The following ARMH3 variants were observed in gnomAD, a reference collection of about 807,000 sequenced individuals.
The protein encoded by ARMH3 is armadillo like helical domain containing 3.
A neutral mutation model predicts 99.1 loss-of-function variants in ARMH3; 60 were observed. The observed-to-expected ratio is 0.61, with a 90% CI of 0.49 to 0.75. The LOEUF is 0.75. Among genes scored for constraint, ARMH3 ranks in the 30% least tolerant of loss-of-function variants. ARMH3 has a pLI of 0.00. For synonymous variants in ARMH3, 285 were observed against 292.8 expected (o/e 0.97, Z 0.27); for missense variants, 679 against 843.1 (o/e 0.81, Z 2.41).
intron 24 of ARMH3, among the ~76,000 whole-genome samples, chr10:101,867,128 T>C (rs1186327579): frequency 6.6e-6 from 1 of 152,180 alleles, no homozygotes; most frequent in Non-Finnish European, 1.5e-5. Context: ...CCCTGAGTCT[T>C]GAAAGGAAAA....
chr10:101,988,913 ACT>A (rs1239119866), intron 19 of ARMH3, among the ~76,000 whole-genome samples: 4 of 119,888 alleles, frequency 3.3e-5, no homozygotes, highest in Admixed American at 2.0e-4. Flanking sequence ...ACAGAATAAG[ACT>A]CTGTCTCAAA....
chr10:101,914,365 G>A (rs1338875860), intron 23 of ARMH3, among the ~76,000 whole-genome samples: 2 of 151,448 alleles, frequency 1.3e-5, no homozygotes, highest in Non-Finnish European at 2.9e-5. Context: ...GCGGGTACCT[G>A]TAATCCCAGC....
At chr10:101,916,545 G>A (rs1379081383) in intron 23 of ARMH3, among the ~76,000 whole-genome samples, 1 of 152,132 alleles carries the variant, frequency 6.6e-6, no homozygotes, top group Non-Finnish European at 1.5e-5. Context: ...CCTTCCCTGT[G>A]AAGAACTATT....
At chr10:101,984,582 C>G (rs1269345461) in intron 19 of ARMH3, among the ~76,000 whole-genome samples, 1 of 152,088 alleles carries the variant, frequency 6.6e-6, no homozygotes, top group Non-Finnish European at 1.5e-5. Context: ...CACTCCAGAG[C>G]ACCAATGAGA....
chr10:101,982,045 C>CA (rs1344929093), intron 19 of ARMH3, among the ~76,000 whole-genome samples: 1 of 92,816 alleles, frequency 1.1e-5, no homozygotes, highest in Non-Finnish European at 2.4e-5. Flanking sequence ...AAAAAAAAAA[C>CA]AAAGACTGGG....
chr10:102,035,551 G>A (rs1180309637), intron 2 of ARMH3, among the ~76,000 whole-genome samples: 3 of 152,248 alleles, frequency 2.0e-5, no homozygotes, highest in South Asian at 2.1e-4. Flanking sequence ...TTGCAGGCGC[G>A]CGCTGCCACG....
At chr10:101,976,168 C>CAAAAAAAAAAA (rs780547260) in intron 19 of ARMH3, among the ~76,000 whole-genome samples, 1 of 23,190 alleles carries the variant, frequency 4.3e-5, no homozygotes. Context: ...GACTCTGTCT[C>CAAAAAAAAAAA]AAAAAAAAAA....
At chr10:101,914,622 T>C (rs887039464) in intron 23 of ARMH3, among the ~76,000 whole-genome samples, 4 of 151,926 alleles carry the variant, frequency 2.6e-5, no homozygotes, top group Admixed American at 2.0e-4. Context: ...TCCCAGCACT[T>C]TGGGAGGCCG....
At chr10:101,857,214 T>C (rs1353885312) in intron 24 of ARMH3, among the ~76,000 whole-genome samples, 1 of 152,096 alleles carries the variant, frequency 6.6e-6, no homozygotes, top group Non-Finnish European at 1.5e-5. Flanking sequence ...TGCAAGCACT[T>C]TGGAAGGCCG....
chr10:101,927,075 T>C (rs1295024258), intron 23 of ARMH3, among the ~76,000 whole-genome samples: 1 of 152,214 alleles, frequency 6.6e-6, no homozygotes, highest in Non-Finnish European at 1.5e-5. Context: ...CCCATAATTT[T>C]GATGCTTACC....
At position 101,888,373 on chromosome 10, in the gene ARMH3, A is replaced by G. The variant is rs569146562; in HGVS notation, c.1860+1039T>C. Among the ~76,000 whole-genome samples the G allele has an allele frequency of 7.2e-5, 11 of 152,346 alleles. No homozygotes were observed. The South Asian group carries it at 2.3e-3, about 32-fold the overall frequency. ...ATTCTCACAGCTGGGCTCACAAAAG[A>G]GAACAAATATGTCAAAGGGAACAAC... is the stretch of plus-strand genomic sequence containing the variant. On this transcript the variant is annotated intron_variant, in intron 24 of 25. Transcript: ENST00000370033.
At chr10:101,940,653 G>A (rs1844200149) in intron 22 of ARMH3, among the ~76,000 whole-genome samples, 1 of 151,912 alleles carries the variant, frequency 6.6e-6, no homozygotes, top group East Asian at 1.9e-4. Flanking sequence ...ACCCTGTGTC[G>A]AAGTGTTCTC....
At chr10:101,847,651 G>A in intron 25 of ARMH3, 31 bp from the exon 26 acceptor site, 2 of 1,597,908 alleles carry the variant, frequency 1.3e-6, no homozygotes, top group Non-Finnish European at 1.7e-6. Flanking sequence ...AAGGTGGGAG[G>A]GCGCAGCCAG....
chr10:101,959,215 C>T (rs1787985533), intron 20 of ARMH3, among the ~76,000 whole-genome samples: 1 of 152,118 alleles, frequency 6.6e-6, no homozygotes, highest in African/African-American at 2.4e-5. Flanking sequence ...TTAGCTCCTA[C>T]CAGGAGCACA....
intron 8 of ARMH3, among the ~76,000 whole-genome samples, chr10:102,015,938 A>G (rs528496592): frequency 6.6e-6 from 1 of 152,328 alleles, no homozygotes; most frequent in African/African-American, 2.4e-5. Context: ...GTTCAAGACC[A>G]GCTTGGGCAA....
At chr10:102,049,548 A>G (rs1459840299) in intron 1 of ARMH3, among the ~76,000 whole-genome samples, 1 of 151,804 alleles carries the variant, frequency 6.6e-6, no homozygotes, top group Non-Finnish European at 1.5e-5. Flanking sequence ...TTTCCAAAAA[A>G]AAAGAAAGAA....
intron 19 of ARMH3, among the ~76,000 whole-genome samples, chr10:101,980,168 T>C (rs1846164705): frequency 6.6e-6 from 1 of 152,228 alleles, no homozygotes; most frequent in African/African-American, 2.4e-5. Context: ...AAATCTTGAC[T>C]GTATACCAAC....
intron 1 of ARMH3, among the ~76,000 whole-genome samples, chr10:102,051,862 G>A (rs189219070): frequency 1.3e-5 from 2 of 152,240 alleles, no homozygotes; most frequent in East Asian, 1.9e-4. Flanking sequence ...ATGAGCTCTC[G>A]TTCATTTAAA....
At chr10:102,030,545 T>C (rs974555898) in intron 4 of ARMH3, among the ~76,000 whole-genome samples, 12 of 151,802 alleles carry the variant, frequency 7.9e-5, no homozygotes, top group Non-Finnish European at 1.2e-4. Flanking sequence ...CCAGTCTCTA[T>C]TAAAAATACA....
Sources: gnomAD v4.1 joint callset for allele counts (sites outside exome capture counted in the v4.1 genomes callset) on GRCh38, gnomAD v4.1.1 for gene constraint, MANE v1.5 for transcripts, NCBI Gene and HGNC (gene_info 2026-07-23, HGNC 2026-07-21) for gene names.